PALS2: variants seen among roughly 807,000 people sequenced by gnomAD.
The protein encoded by PALS2 is protein PALS2.
In PALS2, 27 loss-of-function variants were observed where a neutral mutation model predicts 61.6. That is an observed-to-expected ratio of 0.44 (90% CI 0.32 to 0.60). The LOEUF is 0.60. Ranked by LOEUF, PALS2 falls within the 20% of genes least tolerant of loss-of-function variation. The pLI is 0.05. For missense variants in PALS2, 554 were observed against 639.4 expected (o/e 0.87, Z 1.44); for synonymous variants, 236 against 218.6 (o/e 1.08, Z -0.70).
chr7:24,669,247 C>T (rs953597258), intron 9 of PALS2, among the ~76,000 whole-genome samples: 6 of 152,288 alleles, frequency 3.9e-5, no homozygotes, highest in African/African-American at 1.4e-4. Context: ...ACCAAGCACT[C>T]ATTTTATGGT....
chr7:24,682,404 C>T (rs1165357942), intron 11 of PALS2, among the ~76,000 whole-genome samples: 6 of 152,176 alleles, frequency 3.9e-5, no homozygotes, highest in Non-Finnish European at 8.8e-5. Flanking sequence ...TGCTCTTCCC[C>T]TCTGGCATTC....
intron 8 of PALS2, among the ~76,000 whole-genome samples, chr7:24,666,341 C>T (rs1562653005): frequency 6.6e-6 from 1 of 152,064 alleles, no homozygotes; most frequent in African/African-American, 2.4e-5. Context: ...TTTTGTTTGT[C>T]TTAATCAAGA....
chr7:24,661,690 G>T (rs1236026434), intron 5 of PALS2, among the ~76,000 whole-genome samples: 1 of 152,062 alleles, frequency 6.6e-6, no homozygotes, highest in African/African-American at 2.4e-5. Context: ...TAACTTGCAG[G>T]TATTATACTT....
intron 3 of PALS2, among the ~76,000 whole-genome samples, chr7:24,645,278 C>A (rs13235382): frequency 0.06 from 9,094 of 151,932 alleles, 619 homozygotes; most frequent in East Asian, 0.33. Context: ...TAATCCATCT[C>A]AAGTTGATTT....
intron 1 of PALS2, chr7:24,589,307 A>T (rs1783193371): frequency 6.6e-6 from 1 of 152,108 alleles, no homozygotes; most frequent in South Asian, 2.1e-4. Flanking sequence ...TAAGTGATAT[A>T]CTCTGGAGCT....
At chr7:24,588,331 A>G (rs763777344) in intron 1 of PALS2, among the ~76,000 whole-genome samples, 1 of 152,174 alleles carries the variant, frequency 6.6e-6, no homozygotes, top group Non-Finnish European at 1.5e-5. Flanking sequence ...AGACATTTCA[A>G]TTAGACAAAT....
chr7:24,585,819 C>T (rs1268850335), intron 1 of PALS2, among the ~76,000 whole-genome samples: 1 of 152,212 alleles, frequency 6.6e-6, no homozygotes, highest in Non-Finnish European at 1.5e-5. Flanking sequence ...CTGCCTCAGC[C>T]TCCCAAGTAG....
At chr7:24,677,444 T>C (rs1175363169) in intron 9 of PALS2, among the ~76,000 whole-genome samples, 1 of 151,910 alleles carries the variant, frequency 6.6e-6, no homozygotes, top group African/African-American at 2.4e-5. Flanking sequence ...ATCCCTGTCT[T>C]GTGCCAGTTT....
chr7:24,597,185 A>G (rs1328927473), intron 1 of PALS2: 1 of 152,190 alleles, frequency 6.6e-6, no homozygotes, highest in African/African-American at 2.4e-5. Flanking sequence ...AAGGCAGTTG[A>G]AGAAAGGTGA....
rs1023181121 is a variant in PALS2, at chr7:24,690,559, A to AT, written c.*2951dup. 6.6e-6 allele frequency: 1 copy of AT among 151,942 alleles called. No homozygotes were observed. Among genetic ancestry groups the AT allele is most frequent in the Non-Finnish European group, 1.5e-5 (1 of 68,000 alleles). The allele number at this position is 151,942 out of a possible 1,614,324, so 9.4% of individuals were successfully genotyped here. ...GTACACAACCTAAGACTATATATAT[A>AT]TTTTTTCATTTTCAAATGTACAAAT... On this transcript the variant is annotated 3_prime_UTR_variant, in exon 12 of 12. Transcript: ENST00000222644.
At chr7:24,603,912 G>C (rs771708913) in intron 1 of PALS2, among the ~76,000 whole-genome samples, 9 of 152,060 alleles carry the variant, frequency 5.9e-5, no homozygotes, top group Admixed American at 2.0e-4. Flanking sequence ...CAAACTGCTA[G>C]ACATGGCAAA....
At chr7:24,612,125 C>T (rs1784136794) in intron 1 of PALS2, among the ~76,000 whole-genome samples, 1 of 151,746 alleles carries the variant, frequency 6.6e-6, no homozygotes, top group South Asian at 2.1e-4. Flanking sequence ...TTAGCTATTC[C>T]CTTTGTTCAT....
chr7:24,690,817 T>G lies in PALS2; in HGVS notation c.*3203T>G, dbSNP rs886560143. 1 of 152,210 alleles carries G rather than the reference T, an allele frequency of 6.6e-6. No homozygotes were observed. The highest frequency in any genetic ancestry group is 2.4e-5 in the African/African-American group (1 of 41,462). The allele number at this position is 152,210 out of a possible 1,614,324, so 9.4% of individuals were successfully genotyped here. A position where few individuals can be genotyped will look rare whatever the true frequency, so the allele number is the denominator to read the frequency against. ...ACATAGCTTTCTGAAATAGAAATTA[T>G]AAGAGAAACCCAGTATGCCTACAGC... On this transcript the variant is annotated 3_prime_UTR_variant, in exon 12 of 12. Coordinates refer to ENST00000222644, the MANE Select transcript of PALS2 (RefSeq NM_001303037.2).
chr7:24,609,797 C>G (rs1260617454), intron 1 of PALS2, among the ~76,000 whole-genome samples: 2 of 152,032 alleles, frequency 1.3e-5, no homozygotes, highest in Admixed American at 6.6e-5. Flanking sequence ...GGTATTTAGT[C>G]AGGCCAAAAT....
chr7:24,684,914 A>C (rs1788115317), intron 11 of PALS2, among the ~76,000 whole-genome samples: 1 of 151,992 alleles, frequency 6.6e-6, no homozygotes, highest in Non-Finnish European at 1.5e-5. Context: ...CCAGGCTTTT[A>C]TTGTTCTTAG....
At chr7:24,641,668 C>T in intron 2 of PALS2, 48 bp from the exon 3 acceptor site, 1 of 1,436,718 alleles carries the variant, frequency 7.0e-7, no homozygotes, top group African/African-American at 1.4e-5. Flanking sequence ...TGGTCTGGTG[C>T]AAATAACAAA....
chr7:24,644,059 T>C (rs559645571), intron 3 of PALS2, among the ~76,000 whole-genome samples: 1 of 152,094 alleles, frequency 6.6e-6, no homozygotes, highest in East Asian at 1.9e-4. Flanking sequence ...TGAACACAAG[T>C]TAATAATCCT....
chr7:24,578,749 A>T (rs752024580), intron 1 of PALS2, among the ~76,000 whole-genome samples: 1 of 152,202 alleles, frequency 6.6e-6, no homozygotes, highest in East Asian at 1.9e-4. Context: ...ACTTGCTGTA[A>T]CCACATGTAA....
intron 1 of PALS2, among the ~76,000 whole-genome samples, chr7:24,595,488 TTA>T (rs1229138725): frequency 7.9e-6 from 1 of 127,206 alleles, no homozygotes; most frequent in African/African-American, 3.2e-5. Flanking sequence ...TAAATATATA[TTA>T]TATATTTTTA....
Sources: gnomAD v4.1 joint callset for allele counts (sites outside exome capture counted in the v4.1 genomes callset) on GRCh38, gnomAD v4.1.1 for gene constraint, MANE v1.5 for transcripts, NCBI Gene and HGNC (gene_info 2026-07-23, HGNC 2026-07-21) for gene names.